MCRIP1: variants seen among roughly 807,000 people sequenced by gnomAD.
MCRIP1 encodes the protein mapk-regulated corepressor-interacting protein 1.
A neutral mutation model predicts 14.4 loss-of-function variants in MCRIP1; 10 were observed. The observed-to-expected ratio is 0.70, with a 90% CI of 0.43 to 1.18. MCRIP1 has a LOEUF of 1.18. Among genes scored for constraint, MCRIP1 ranks in the 50% most tolerant of loss-of-function variants. The pLI, the probability that MCRIP1 is intolerant of heterozygous loss-of-function variation, is 0.00. For missense variants in MCRIP1, 119 were observed against 135.4 expected (o/e 0.88, Z 0.60); for synonymous variants, 53 against 55.7 (o/e 0.95, Z 0.21).
In MCRIP1 at chr17:81,823,782, C is replaced by T. The variant is rs946767789; in HGVS notation, c.128-269G>A. The T allele has an allele frequency of 9.9e-5, 58 of 586,272 alleles. No homozygotes were observed. The highest frequency in any genetic ancestry group is 7.2e-4 in the Admixed American group (23 of 31,978). The allele number at this position is 586,272 out of a possible 1,614,324, so 36.3% of individuals were successfully genotyped here. A position where few individuals can be genotyped will look rare whatever the true frequency, so the allele number is the denominator to read the frequency against. On this transcript the variant is annotated intron_variant, in intron 3 of 4. Transcript: ENST00000455127. The surrounding 1 kb of genome is among the most constrained non-coding windows in gnomAD (Gnocchi z 6.0). Reference sequence around the variant, plus strand: ...TATGACCCTACCCCAGGCTTCCCTGCGCCTCGGAGGCAGCGCATCCTCCTC... The same window carrying T: ...TATGACCCTACCCCAGGCTTCCCTGTGCCTCGGAGGCAGCGCATCCTCCTC...
chr17:81,828,127 CTT>C (rs1053374536), intron 1 of MCRIP1, among the ~76,000 whole-genome samples: 1 of 152,108 alleles, frequency 6.6e-6, no homozygotes, highest in African/African-American at 2.4e-5. Context: ...TTTGCCTCCT[CTT>C]GTTAGGAAAA....
chr17:81,826,287 T>A lies in MCRIP1; in HGVS notation c.-48-1733A>T, dbSNP rs2038394404. 2.0e-6 allele frequency: 3 copies of A among 1,534,886 alleles called. No homozygotes were observed. The South Asian group carries it at 3.6e-5, about 18-fold the overall frequency. On this transcript the variant is annotated intron_variant, in intron 1 of 4. Coordinates refer to ENST00000455127, the MANE Select transcript of MCRIP1 (RefSeq NM_207368.5). ...CCTACCTGCACACACCTTAGCTGAA[T>A]ACATCTGCCACACACATGCATACAA...
chr17:81,825,305 T>C, intron 1 of MCRIP1: 1 of 1,124,358 alleles, frequency 8.9e-7, no homozygotes. Context: ...ATTTTGAGGC[T>C]CAGACGCTCA....
intron 1 of MCRIP1, chr17:81,826,522 CAAAA>C (rs4013609): frequency 7.6e-4 from 386 of 509,580 alleles, no homozygotes; most frequent in South Asian, 1.9e-3. Flanking sequence ...GACCCTGTGT[CAAAA>C]AAAAAAAAAA....
chr17:81,825,519 C>A (rs1239266059), intron 1 of MCRIP1: 2 of 1,262,698 alleles, frequency 1.6e-6, no homozygotes, highest in Admixed American at 2.5e-5. Flanking sequence ...GCTGCAGATA[C>A]TCCAGGGCAC....
chr17:81,828,115 C>T (rs1049776745), intron 1 of MCRIP1, among the ~76,000 whole-genome samples: 5 of 152,050 alleles, frequency 3.3e-5, no homozygotes, highest in African/African-American at 7.2e-5. Flanking sequence ...CAAGGAGTCT[C>T]GTTTGCCTCC....
chr17:81,825,719 A>T (rs2038377612), intron 1 of MCRIP1: 1 of 1,289,244 alleles, frequency 7.8e-7, no homozygotes, highest in Admixed American at 2.3e-5. Context: ...CCAGGCCAGG[A>T]GTGAGGTCCA....
chr17:81,826,040 G>A, intron 1 of MCRIP1: 1 of 1,426,468 alleles, frequency 7.0e-7, no homozygotes, highest in East Asian at 3.2e-5. Flanking sequence ...CTCCCAGCCT[G>A]CCCTCTCCCG....
At position 81,833,269 on chromosome 17, in the gene MCRIP1, A is replaced by G. The variant is rs1357213289; in HGVS notation, c.-80T>C. The G allele has an allele frequency of 1.3e-5, 2 of 150,798 alleles. No homozygotes were observed. The highest frequency in any genetic ancestry group is 3.9e-4 in the East Asian group (2 of 5,130). 9.3% of individuals were successfully genotyped at this position (150,798 alleles called of 1,614,324 possible). A position where few individuals can be genotyped will look rare whatever the true frequency, so the allele number is the denominator to read the frequency against. ...CCGACCCGCCGCCACCGCCTCTTCC[A>G]GCTGGGAGGCCCCGCCGGAAGTGAC... is the stretch of plus-strand genomic sequence containing the variant. On this transcript the variant is annotated 5_prime_UTR_variant, in exon 1 of 5. Coordinates refer to ENST00000455127, the MANE Select transcript of MCRIP1 (RefSeq NM_207368.5).
intron 1 of MCRIP1, chr17:81,825,937 G>A: frequency 7.7e-7 from 1 of 1,300,554 alleles, no homozygotes; most frequent in Non-Finnish European, 1.0e-6. Flanking sequence ...ACAGAGAAAG[G>A]CAGAGCTCAG....
At chr17:81,831,274 C>T (rs2143263288) in intron 1 of MCRIP1, among the ~76,000 whole-genome samples, 1 of 151,238 alleles carries the variant, frequency 6.6e-6, no homozygotes, top group Admixed American at 6.6e-5. Context: ...CCAGGAGGCG[C>T]AGGTTGCAGT....
intron 1 of MCRIP1, among the ~76,000 whole-genome samples, chr17:81,831,033 G>T (rs1200286621): frequency 1.3e-5 from 2 of 152,026 alleles, no homozygotes; most frequent in Non-Finnish European, 2.9e-5. Context: ...TTAGCTGGGC[G>T]TGGTGGCACA....
At chr17:81,831,105 A>G (rs143716861) in intron 1 of MCRIP1, among the ~76,000 whole-genome samples, 150,302 of 150,870 alleles carry the variant, frequency 1, 74,891 homozygotes, top group Middle Eastern at 1. Flanking sequence ...CCAGGAAGCA[A>G]AGGTTACAGT....
chr17:81,824,751 A>G (rs924952880), intron 1 of MCRIP1, 197 bp from the exon 2 acceptor site: 3 of 1,431,248 alleles, frequency 2.1e-6, no homozygotes, highest in East Asian at 5.1e-5. Flanking sequence ...CCTACGAGGT[A>G]GCAGAGAGCT....
At chr17:81,826,011 C>A in intron 1 of MCRIP1, 1 of 1,375,782 alleles carries the variant, frequency 7.3e-7, no homozygotes, top group Non-Finnish European at 9.6e-7. Context: ...TGACCGACTG[C>A]TGCTTTAGGG....
chr17:81,830,802 C>T (rs1276964256), intron 1 of MCRIP1, among the ~76,000 whole-genome samples: 1 of 151,298 alleles, frequency 6.6e-6, no homozygotes, highest in East Asian at 1.9e-4. Context: ...GTGGGCAGAT[C>T]ATAGGAGGTC....
At chr17:81,826,466 G>T (rs2038399028) in intron 1 of MCRIP1, 6 of 1,240,802 alleles carry the variant, frequency 4.8e-6, no homozygotes, top group Non-Finnish European at 6.7e-6. Context: ...AAGGCTGCAG[G>T]GAGCCAAGAT....
At position 81,823,694 on chromosome 17, in the gene MCRIP1, C is replaced by A; in HGVS notation, c.128-181G>T. 1 of 619,102 alleles carries A rather than the reference C, an allele frequency of 1.6e-6. No individual in the cohort carries two copies. 38.4% of individuals were successfully genotyped at this position (619,102 alleles called of 1,614,324 possible). On this transcript the variant is annotated intron_variant, in intron 3 of 4. Coordinates refer to ENST00000455127, the MANE Select transcript of MCRIP1 (RefSeq NM_207368.5). This position sits in a 1 kb window ranked among gnomAD's most constrained non-coding sequence, Gnocchi z 6.0. ...CTCACTCACCTGCAGACCCCGTCCCCGCTCCTCTGGCAGGCCTGTCCCTTC... is the reference window on the plus strand; with the variant it reads ...CTCACTCACCTGCAGACCCCGTCCCAGCTCCTCTGGCAGGCCTGTCCCTTC...
intron 1 of MCRIP1, chr17:81,825,614 CCT>C: frequency 1.6e-6 from 2 of 1,289,392 alleles, no homozygotes; most frequent in Non-Finnish European, 2.0e-6. Flanking sequence ...ATGGTCCAGC[CCT>C]CAAACACCAC....
Sources: allele counts gnomAD v4.1 joint callset (sites outside exome capture counted in the v4.1 genomes callset), GRCh38; gene constraint gnomAD v4.1.1; non-coding constraint Gnocchi (gnomAD v3.1); transcripts MANE v1.5; gene names NCBI Gene and HGNC (gene_info 2026-07-23, HGNC 2026-07-21).